The following COLEC12 variants were observed in gnomAD, a reference collection of about 807,000 sequenced individuals.
COLEC12 encodes the protein collectin subfamily member 12.
In COLEC12, 33 loss-of-function variants were observed where a neutral mutation model predicts 71.1. The observed-to-expected ratio is 0.46, with a 90% CI of 0.35 to 0.62. The LOEUF is 0.62. COLEC12 is among the 20% of genes least tolerant of loss of function. The pLI is 0.00. For missense variants in COLEC12, 765 were observed against 916.1 expected (o/e 0.84, Z 2.13); for synonymous variants, 350 against 353.0 (o/e 0.99, Z 0.10).
chr18:403,954 G>A (rs1443751182), intron 2 of COLEC12, among the ~76,000 whole-genome samples: 1 of 152,012 alleles, frequency 6.6e-6, no homozygotes, highest in African/African-American at 2.4e-5. Context: ...TATAACCCTG[G>A]GCATCTTCCT....
In COLEC12 at chr18:412,405, C is replaced by A. The variant is rs538964179; in HGVS notation, c.59-54883G>T. On this transcript the variant is annotated intron_variant, in intron 2 of 9. Coordinates refer to ENST00000400256, the MANE Select transcript of COLEC12 (RefSeq NM_130386.3). ...AAATGAAAGGGGAAAGGAAGACATT[C>A]TCAGAGGAAGGAAAACTAAGTGATA... Among the ~76,000 whole-genome samples the A allele has an allele frequency of 1.4e-3, 215 of 151,416 alleles. 1 individual carries two copies. The highest frequency in any genetic ancestry group is 2.2e-3 in the Admixed American group (34 of 15,230).
In COLEC12 at chr18:480,600, C is replaced by T. The variant is rs1442641363; in HGVS notation, c.58+107G>A. 9.3e-6 allele frequency: 9 copies of T among 971,074 alleles called. No homozygotes were observed. Among genetic ancestry groups the T allele is most frequent in the African/African-American group, 1.6e-5 (1 of 62,570 alleles). 60.2% of individuals were successfully genotyped at this position (971,074 alleles called of 1,614,324 possible). A position where few individuals can be genotyped will look rare whatever the true frequency, so the allele number is the denominator to read the frequency against. On this transcript the variant is annotated intron_variant, in intron 2 of 9. Transcript: ENST00000400256. The surrounding 1 kb of genome is among the most constrained non-coding windows in gnomAD (Gnocchi z 4.1). The stretch of plus-strand genomic sequence containing the variant: ...AAATTGGACCTCAGAGCCACAAACA[C>T]CCATGTGCATGAAGGGCCTGCCAGT...
chr18:358,453 G>A (rs1442627453), intron 2 of COLEC12, among the ~76,000 whole-genome samples: 1 of 152,192 alleles, frequency 6.6e-6, no homozygotes. Context: ...GGTGCGATGG[G>A]AGACAGTGAC....
chr18:376,542 AG>A (rs1329350760), intron 2 of COLEC12, among the ~76,000 whole-genome samples: 2 of 152,172 alleles, frequency 1.3e-5, no homozygotes, highest in African/African-American at 4.8e-5. Context: ...TCCTTTCAAA[AG>A]ATCATTTTGC....
At chr18:344,658 T>C (rs1023203240) in intron 5 of COLEC12, among the ~76,000 whole-genome samples, 4 of 152,228 alleles carry the variant, frequency 2.6e-5, no homozygotes, top group South Asian at 2.1e-4. Flanking sequence ...GGAAGACATA[T>C]TTCACTGCTT....
In COLEC12 at chr18:319,331, A is replaced by ATATAT. The variant is rs1431727726; in HGVS notation, c.*713_*714insATATA. ...GAGGAAATGAAACATTAAAAAAAAA[A>ATATAT]AAAAAAAAAAATATATATATATATA... On this transcript the variant is annotated 3_prime_UTR_variant, in exon 10 of 10. Coordinates refer to ENST00000400256, the MANE Select transcript of COLEC12 (RefSeq NM_130386.3). The ATATAT allele has an allele frequency of 5.5e-4, 30 of 54,630 alleles. No individual in the cohort carries two copies. Among genetic ancestry groups the ATATAT allele is most frequent in the Admixed American group, 1.0e-3 (5 of 4,862 alleles). The allele number at this position is 54,630 out of a possible 1,614,324, so 3.4% of individuals were successfully genotyped here. A position where few individuals can be genotyped will look rare whatever the true frequency, so the allele number is the denominator to read the frequency against.
chr18:329,191 G>A (rs1418146927), intron 8 of COLEC12, among the ~76,000 whole-genome samples: 1 of 152,170 alleles, frequency 6.6e-6, no homozygotes, highest in Non-Finnish European at 1.5e-5. Flanking sequence ...GGGAAGAGGA[G>A]AAAAATTTCA....
intron 2 of COLEC12, among the ~76,000 whole-genome samples, chr18:391,702 T>G (rs953950380): frequency 1.3e-5 from 2 of 152,220 alleles, no homozygotes. Context: ...ACAGTCTATA[T>G]CCACCAATTC....
At chr18:339,397 G>A (rs1483967152) in intron 5 of COLEC12, among the ~76,000 whole-genome samples, 2 of 152,102 alleles carry the variant, frequency 1.3e-5, no homozygotes, top group Admixed American at 6.5e-5. Context: ...GACCTCAAAC[G>A]TGGATCCCAC....
intron 2 of COLEC12, among the ~76,000 whole-genome samples, chr18:425,957 T>A (rs1007880844): frequency 6.6e-6 from 1 of 152,200 alleles, no homozygotes; most frequent in African/African-American, 2.4e-5. Flanking sequence ...TCCCAAATAT[T>A]TTCCCACATC....
At chr18:482,201 C>A (rs1390133649) in intron 1 of COLEC12, among the ~76,000 whole-genome samples, 3 of 151,486 alleles carry the variant, frequency 2.0e-5, no homozygotes, top group Non-Finnish European at 4.4e-5. Context: ...CTGCAACCTC[C>A]ACCTCCTGGG....
chr18:429,024 G>C lies in COLEC12; in HGVS notation c.58+51683C>G, dbSNP rs138875940. ...AATCATAATTTTTTAACAGGCCTAAGTGCACATTCTTAACACACAAGTGAG... is the reference window on the plus strand; with the variant it reads ...AATCATAATTTTTTAACAGGCCTAACTGCACATTCTTAACACACAAGTGAG... On this transcript the variant is annotated intron_variant, in intron 2 of 9. Transcript: ENST00000400256. Among the ~76,000 whole-genome samples, 621 of 152,324 alleles carry C rather than the reference G, an allele frequency of 4.1e-3. 2 individuals carry two copies. Among genetic ancestry groups the C allele is most frequent in the African/African-American group, 0.014 (599 of 41,570 alleles).
At position 362,962 on chromosome 18, in the gene COLEC12, C is replaced by A. The variant is rs867012031; in HGVS notation, c.59-5440G>T. Among the ~76,000 whole-genome samples the A allele has an allele frequency of 1.2e-4, 18 of 152,224 alleles. No homozygotes were observed. In the South Asian group the frequency reaches 2.1e-3, roughly 18 times the overall value. On this transcript the variant is annotated intron_variant, in intron 2 of 9. Transcript: ENST00000400256. This position sits in a 1 kb window ranked among gnomAD's most constrained non-coding sequence, Gnocchi z 4.6. ...GTTCAGAATAGGCTGACAATTTGGT[C>A]CCCAGTGCCCAAACTCAAAGTCCCC... is the stretch of plus-strand genomic sequence containing the variant.
At chr18:329,549 C>G (rs1913922880) in intron 8 of COLEC12, among the ~76,000 whole-genome samples, 1 of 152,202 alleles carries the variant, frequency 6.6e-6, no homozygotes, top group South Asian at 2.1e-4. Flanking sequence ...TAAAGTGTGT[C>G]CCTGCTGTGT....
intron 3 of COLEC12, among the ~76,000 whole-genome samples, chr18:349,051 A>G (rs1461901651): frequency 6.6e-6 from 1 of 152,190 alleles, no homozygotes; most frequent in Non-Finnish European, 1.5e-5. Flanking sequence ...CCACTTTTGC[A>G]TCTTTCTAAT....
At chr18:368,985 G>A (rs1218700901) in intron 2 of COLEC12, among the ~76,000 whole-genome samples, 3 of 152,174 alleles carry the variant, frequency 2.0e-5, no homozygotes, top group Non-Finnish European at 2.9e-5. Flanking sequence ...ACCCCCAATT[G>A]TTGTTATCTC....
chr18:374,938 A>G (rs777459530), intron 2 of COLEC12, among the ~76,000 whole-genome samples: 7 of 152,216 alleles, frequency 4.6e-5, no homozygotes, highest in Non-Finnish European at 1.0e-4. Flanking sequence ...ACACAGATAC[A>G]TGGGAAGTTG....
At chr18:386,744 AG>A (rs1265477633) in intron 2 of COLEC12, among the ~76,000 whole-genome samples, 106 of 152,370 alleles carry the variant, frequency 7.0e-4, no homozygotes, top group African/African-American at 2.5e-3. Context: ...TGAGAGCCTC[AG>A]TTTTCTCACT....
chr18:495,798 A>G (rs1917701177), intron 1 of COLEC12, among the ~76,000 whole-genome samples: 1 of 152,176 alleles, frequency 6.6e-6, no homozygotes, highest in Non-Finnish European at 1.5e-5. Context: ...GCTAGAGATT[A>G]CACATGTGAT....
Sources: allele counts gnomAD v4.1 joint callset (sites outside exome capture counted in the v4.1 genomes callset), GRCh38; gene constraint gnomAD v4.1.1; non-coding constraint Gnocchi (gnomAD v3.1); transcripts MANE v1.5; gene names NCBI Gene and HGNC (gene_info 2026-07-23, HGNC 2026-07-21).